The following VDAC1 variants were observed in gnomAD, a reference collection of about 807,000 sequenced individuals.
VDAC1 encodes the protein voltage dependent anion channel 1, also known as non-selective voltage-gated ion channel VDAC1.
Under a neutral mutation model 34.7 loss-of-function variants are expected in VDAC1, and 10 were observed. The ratio of observed to expected loss-of-function variants is 0.29; its 90% CI spans 0.18 to 0.49. The LOEUF (loss-of-function observed/expected upper bound fraction) is 0.49. VDAC1 is among the 20% of genes least tolerant of loss of function. VDAC1 has a pLI of 0.99. For missense variants in VDAC1, 230 were observed against 347.9 expected (o/e 0.66, Z 2.69); for synonymous variants, 130 against 136.0 (o/e 0.96, Z 0.30).
the VDAC1 span, among the ~76,000 whole-genome samples, chr5:134,067,344 G>T: frequency 6.7e-5 from 10 of 149,232 alleles, no homozygotes; most frequent in African/African-American, 9.9e-5. Flanking sequence ...CAAAGTGCTG[G>T]GATTACAGGT....
chr5:133,976,047 T>C, intron 6 of VDAC1, 26 bp from the exon 7 acceptor site: 1 of 1,613,878 alleles, frequency 6.2e-7, no homozygotes, highest in Non-Finnish European at 8.5e-7. Flanking sequence ...GGACAGATGC[T>C]GAGCTTCCCA....
chr5:134,071,345 T>G, the VDAC1 span, among the ~76,000 whole-genome samples: 23 of 152,172 alleles, frequency 1.5e-4, no homozygotes. This position sits in a 1 kb window ranked among gnomAD's most constrained non-coding sequence, Gnocchi z 4.1. Flanking sequence ...AGGGCTGGAC[T>G]TGGAGGCCCA....
the VDAC1 span, among the ~76,000 whole-genome samples, chr5:134,087,921 G>C: frequency 6.6e-6 from 1 of 151,370 alleles, no homozygotes; most frequent in Non-Finnish European, 1.5e-5. Flanking sequence ...AGGCCAAGGC[G>C]GGCAGGTCAC....
At chr5:133,996,846 T>C (rs1165634396) in intron 1 of VDAC1, among the ~76,000 whole-genome samples, 2 of 152,148 alleles carry the variant, frequency 1.3e-5, no homozygotes, top group African/African-American at 4.8e-5. Flanking sequence ...AGGCTCACTG[T>C]TGCAGCATCA....
chr5:134,055,608 T>TG, the VDAC1 span, among the ~76,000 whole-genome samples: 1 of 142,162 alleles, frequency 7.0e-6, no homozygotes, highest in Admixed American at 7.0e-5. Flanking sequence ...TTTTTTTTTT[T>TG]TTTTTTTTTT....
At chr5:134,098,866 A>G in the VDAC1 span, among the ~76,000 whole-genome samples, 1 of 152,208 alleles carries the variant, frequency 6.6e-6, no homozygotes, top group Non-Finnish European at 1.5e-5. Flanking sequence ...GGGTAGGAAA[A>G]CAAACCAGCT....
At chr5:134,076,829 A>G in the VDAC1 span, among the ~76,000 whole-genome samples, 330 of 152,328 alleles carry the variant, frequency 2.2e-3, 2 homozygotes, top group African/African-American at 7.5e-3. Context: ...GGAGCTGATC[A>G]GGTTATTTTA....
chr5:134,036,683 G>T, the VDAC1 span, among the ~76,000 whole-genome samples: 1 of 150,714 alleles, frequency 6.6e-6, no homozygotes, highest in Admixed American at 6.6e-5. Flanking sequence ...GCCGGGTGTG[G>T]TGGCTCACGC....
the VDAC1 span, among the ~76,000 whole-genome samples, chr5:134,081,751 G>A: frequency 6.6e-6 from 1 of 152,102 alleles, no homozygotes; most frequent in Non-Finnish European, 1.5e-5. Context: ...TCAACTTGGG[G>A]CCCCATTTTG....
At chr5:134,111,590 C>T in the VDAC1 span, among the ~76,000 whole-genome samples, 2 of 152,114 alleles carry the variant, frequency 1.3e-5, no homozygotes, top group African/African-American at 4.8e-5. Flanking sequence ...ATTCTAGGCC[C>T]TCTCTGCCAG....
intron 8 of VDAC1, 82 bp downstream of exon 8, chr5:133,973,709 A>T (rs2126889088): frequency 7.8e-7 from 1 of 1,289,812 alleles, no homozygotes; most frequent in Non-Finnish European, 1.1e-6. Flanking sequence ...TAAACATTTT[A>T]TAAGCAATGA....
chr5:134,110,119 T>A, the VDAC1 span, among the ~76,000 whole-genome samples: 6 of 152,176 alleles, frequency 3.9e-5, no homozygotes, highest in East Asian at 1.2e-3. Context: ...AAATAACCCA[T>A]GGGAATAGTC....
intron 5 of VDAC1, among the ~76,000 whole-genome samples, chr5:133,985,493 A>C (rs1341402258): frequency 3.3e-5 from 5 of 152,146 alleles, no homozygotes; most frequent in African/African-American, 1.2e-4. Context: ...GTCTCTACTA[A>C]AAATACAAAA....
At chr5:134,057,844 T>G in the VDAC1 span, among the ~76,000 whole-genome samples, 2 of 152,208 alleles carry the variant, frequency 1.3e-5, no homozygotes, top group Non-Finnish European at 2.9e-5. Flanking sequence ...TTTAAATTTT[T>G]TGCCAGTCTG....
At chr5:134,044,810 C>T in the VDAC1 span, among the ~76,000 whole-genome samples, 1 of 152,216 alleles carries the variant, frequency 6.6e-6, no homozygotes, top group South Asian at 2.1e-4. Context: ...GCTCCTACCC[C>T]ATGTGAGGTA....
At chr5:134,026,962 C>G in the VDAC1 span, among the ~76,000 whole-genome samples, 23 of 152,312 alleles carry the variant, frequency 1.5e-4, 3 homozygotes, top group South Asian at 4.8e-3. Flanking sequence ...GGTTTTCTGA[C>G]CCAGTTCCAA....
chr5:134,024,892 C>A, the VDAC1 span, among the ~76,000 whole-genome samples: 389 of 152,344 alleles, frequency 2.6e-3, 3 homozygotes, highest in African/African-American at 8.8e-3. Context: ...TCCCCTACCC[C>A]CTAGCCAGCT....
the VDAC1 span, among the ~76,000 whole-genome samples, chr5:134,100,838 T>G: frequency 6.6e-6 from 1 of 152,240 alleles, no homozygotes; most frequent in Non-Finnish European, 1.5e-5. Context: ...CTCTCTGGGT[T>G]CTTGGGCTCA....
the VDAC1 span, among the ~76,000 whole-genome samples, chr5:134,016,941 G>T: frequency 6.6e-6 from 1 of 152,324 alleles, no homozygotes; most frequent in Admixed American, 6.5e-5. Context: ...CAAGGAAAGG[G>T]CTGTGTTTCT....
Sources: allele counts gnomAD v4.1 joint callset (sites outside exome capture counted in the v4.1 genomes callset), GRCh38; gene constraint gnomAD v4.1.1; non-coding constraint Gnocchi (gnomAD v3.1); transcripts MANE v1.5; gene names NCBI Gene and HGNC (gene_info 2026-07-23, HGNC 2026-07-21).